Variants in CALD1 observed in about 807,000 individuals in gnomAD.
The protein encoded by CALD1 is caldesmon 1.
A neutral mutation model predicts 99.9 loss-of-function variants in CALD1; 33 were observed. The ratio of observed to expected loss-of-function variants is 0.33; its 90% CI spans 0.25 to 0.44. The LOEUF (loss-of-function observed/expected upper bound fraction) is 0.44. Among genes scored for constraint, CALD1 ranks in the 20% least tolerant of loss-of-function variants. CALD1 has a pLI of 1.00. For missense variants in CALD1, 861 were observed against 962.1 expected (o/e 0.89, Z 1.39); for synonymous variants, 310 against 325.0 (o/e 0.95, Z 0.50).
chr7:134,918,132 C>T (rs1297378834), intron 3 of CALD1, among the ~76,000 whole-genome samples: 1 of 152,156 alleles, frequency 6.6e-6, no homozygotes, highest in African/African-American at 2.4e-5. Context: ...CTTCCAAAAT[C>T]CATATTTACT....
intron 1 of CALD1, among the ~76,000 whole-genome samples, chr7:134,821,446 C>A (rs1798769452): frequency 6.6e-6 from 1 of 151,988 alleles, no homozygotes; most frequent in South Asian, 2.1e-4. Flanking sequence ...ACCTATCCAT[C>A]TATTTTTATA....
chr7:134,747,503 G>T (rs1796645161), intron 1 of CALD1, among the ~76,000 whole-genome samples: 1 of 152,254 alleles, frequency 6.6e-6, no homozygotes. Context: ...AGGACCTATT[G>T]TTCGAGACAA....
chr7:134,833,090 A>G (rs185475994), intron 1 of CALD1, among the ~76,000 whole-genome samples: 84 of 152,356 alleles, frequency 5.5e-4, no homozygotes, highest in Non-Finnish European at 1.0e-3. Flanking sequence ...TGCCATTTCA[A>G]CAGAGACCAA....
At chr7:134,862,697 A>T (rs555437425) in intron 2 of CALD1, among the ~76,000 whole-genome samples, 1 of 152,228 alleles carries the variant, frequency 6.6e-6, no homozygotes. Flanking sequence ...TGCAACAAAG[A>T]GTGAACCTTA....
At chr7:134,958,872 AATATATATAT>A (rs58837080) in intron 11 of CALD1, among the ~76,000 whole-genome samples, 19,657 of 124,690 alleles carry the variant, frequency 0.16, 1,603 homozygotes, top group Middle Eastern at 0.24. Context: ...CTGGTATTTA[AATATATATAT>A]ATATATATAT....
At chr7:134,818,882 A>T (rs929508524) in intron 1 of CALD1, among the ~76,000 whole-genome samples, 1 of 152,182 alleles carries the variant, frequency 6.6e-6, no homozygotes, top group African/African-American at 2.4e-5. Context: ...GCAGTAGTTC[A>T]CATGCCAACA....
At chr7:134,894,400 T>G (rs1802417148) in intron 3 of CALD1, among the ~76,000 whole-genome samples, 1 of 152,236 alleles carries the variant, frequency 6.6e-6, no homozygotes, top group Admixed American at 6.5e-5. Context: ...ACAGTGCTGA[T>G]GCTCCAGAAA....
chr7:134,941,291 A>C, intron 7 of CALD1, 54 bp downstream of exon 7: 1 of 1,463,566 alleles, frequency 6.8e-7, no homozygotes, highest in Non-Finnish European at 9.3e-7. Context: ...AAGAAAAAAA[A>C]AAAAAAGTCA....
chr7:134,900,730 G>T (rs184474745), intron 3 of CALD1, among the ~76,000 whole-genome samples: 2 of 152,160 alleles, frequency 1.3e-5, no homozygotes, highest in Admixed American at 1.3e-4. Flanking sequence ...CTGTCTTATA[G>T]GTGAAAATGA....
chr7:134,834,473 G>A (rs1028170988), intron 1 of CALD1, among the ~76,000 whole-genome samples: 32 of 152,180 alleles, frequency 2.1e-4, no homozygotes, highest in Admixed American at 1.6e-3. Flanking sequence ...GCAGAATGGT[G>A]TTCTACAAAA....
intron 2 of CALD1, among the ~76,000 whole-genome samples, chr7:134,848,451 T>C (rs560547042): frequency 6.6e-6 from 1 of 152,294 alleles, no homozygotes; most frequent in South Asian, 2.1e-4. Flanking sequence ...GTTTAATATA[T>C]TTGGCTGAAA....
chr7:134,878,299 T>C (rs1005156409), intron 3 of CALD1, among the ~76,000 whole-genome samples: 1 of 152,166 alleles, frequency 6.6e-6, no homozygotes, highest in African/African-American at 2.4e-5. Flanking sequence ...CTGGGCATGG[T>C]GGCTCCTGCG....
At chr7:134,748,331 C>A (rs559385925) in intron 1 of CALD1, among the ~76,000 whole-genome samples, 3 of 152,306 alleles carry the variant, frequency 2.0e-5, no homozygotes, top group African/African-American at 7.2e-5. Context: ...TTAGATGAGA[C>A]CCTGGACTTC....
At chr7:134,845,185 A>T (rs1799802115) in intron 2 of CALD1, among the ~76,000 whole-genome samples, 1 of 152,154 alleles carries the variant, frequency 6.6e-6, no homozygotes. Context: ...TTTCCCTATG[A>T]CATTCTATAA....
intron 3 of CALD1, among the ~76,000 whole-genome samples, chr7:134,907,056 A>AGATCAAAT (rs1204867865): frequency 2.6e-5 from 4 of 152,174 alleles, no homozygotes; most frequent in Non-Finnish European, 5.9e-5. Flanking sequence ...ATAACTACGA[A>AGATCAAAT]GATCAAATTA....
At chr7:134,841,182 A>G (rs998783641) in intron 1 of CALD1, among the ~76,000 whole-genome samples, 3 of 152,208 alleles carry the variant, frequency 2.0e-5, no homozygotes, top group Non-Finnish European at 4.4e-5. Flanking sequence ...ATAGATGAAG[A>G]AATTGAGTGG....
chr7:134,797,956 A>G (rs897685455), intron 1 of CALD1, among the ~76,000 whole-genome samples: 2 of 152,210 alleles, frequency 1.3e-5, no homozygotes, highest in Non-Finnish European at 2.9e-5. Context: ...AATTTACAGA[A>G]AAGTAGCAAG....
chr7:134,877,527 G>A (rs192396111), intron 3 of CALD1, among the ~76,000 whole-genome samples: 46 of 152,102 alleles, frequency 3.0e-4, no homozygotes, highest in Admixed American at 1.0e-3. Context: ...ATCATGTATG[G>A]TCAGCTCTCC....
intron 2 of CALD1, among the ~76,000 whole-genome samples, chr7:134,861,363 T>C (rs557354538): frequency 6.6e-6 from 1 of 152,320 alleles, no homozygotes; most frequent in South Asian, 2.1e-4. Flanking sequence ...GAGTATGTTG[T>C]ACCCAGAAAT....
Sources: gnomAD v4.1 joint callset for allele counts (sites outside exome capture counted in the v4.1 genomes callset) on GRCh38, gnomAD v4.1.1 for gene constraint, MANE v1.5 for transcripts, NCBI Gene and HGNC (gene_info 2026-07-23, HGNC 2026-07-21) for gene names.